The following CLASP1 variants were observed in gnomAD, a reference collection of about 807,000 sequenced individuals.
CLASP1 encodes CLIP-associating protein 1.
A neutral mutation model predicts 192.3 loss-of-function variants in CLASP1; 38 were observed. The ratio of observed to expected loss-of-function variants is 0.20; its 90% CI spans 0.15 to 0.26. The LOEUF (loss-of-function observed/expected upper bound fraction) is 0.26. CLASP1 is among the 10% of genes least tolerant of loss of function. The pLI, the probability that CLASP1 is intolerant of heterozygous loss-of-function variation, is 1.00. For synonymous variants in CLASP1, 691 were observed against 712.8 expected (o/e 0.97, Z 0.49); for missense variants, 1,433 against 1,932.5 (o/e 0.74, Z 4.85).
At chr2:121,457,488 C>CACAG (rs1224936110) in intron 14 of CLASP1, among the ~76,000 whole-genome samples, 199 bp downstream of exon 14, 8 of 151,416 alleles carry the variant, frequency 5.3e-5, no homozygotes, top group African/African-American at 1.9e-4. Flanking sequence ...CACACACACA[C>CACAG]AGAAACATAA....
intron 2 of CLASP1, among the ~76,000 whole-genome samples, chr2:121,564,109 G>A (rs2059317225): frequency 6.6e-6 from 1 of 152,174 alleles, no homozygotes; most frequent in Admixed American, 6.5e-5. Context: ...CACTTGCAAT[G>A]TGTGGGAATT....
intron 1 of CLASP1, among the ~76,000 whole-genome samples, chr2:121,633,990 T>C (rs1402639696): frequency 2.1e-5 from 3 of 143,468 alleles, no homozygotes; most frequent in African/African-American, 5.2e-5. Flanking sequence ...AGAGCGAGAC[T>C]CCGTCTCAAA....
exon 30 of CLASP1, chr2:121,397,244 T>C: frequency 6.2e-7 from 1 of 1,613,954 alleles, no homozygotes; most frequent in Non-Finnish European, 8.5e-7. Context: ...TCCATCTGTC[T>C]GGCCAGAGAC....
chr2:121,485,113 G>C (rs1313778596), intron 8 of CLASP1, among the ~76,000 whole-genome samples: 2 of 152,218 alleles, frequency 1.3e-5, no homozygotes, highest in Non-Finnish European at 2.9e-5. Flanking sequence ...ATCACACTAT[G>C]CTGTAGGCCT....
At chr2:121,477,971 T>C (rs2091847549) in intron 8 of CLASP1, among the ~76,000 whole-genome samples, 1 of 152,212 alleles carries the variant, frequency 6.6e-6, no homozygotes, top group African/African-American at 2.4e-5. Context: ...CTAAGTATGT[T>C]CTGCACATTG....
intron 7 of CLASP1, among the ~76,000 whole-genome samples, chr2:121,509,699 G>A (rs1339828708): frequency 6.6e-6 from 1 of 152,118 alleles, no homozygotes; most frequent in African/African-American, 2.4e-5. Flanking sequence ...TTAGCCGGGT[G>A]TGGTGGTATA....
At chr2:121,435,368 G>A (rs913288693) in intron 19 of CLASP1, among the ~76,000 whole-genome samples, 6 of 151,980 alleles carry the variant, frequency 3.9e-5, no homozygotes, top group Non-Finnish European at 8.8e-5. Context: ...TCTGTGTCCC[G>A]GGTTCAAGTG....
chr2:121,393,937 ACAT>A (rs1438164547), intron 30 of CLASP1, among the ~76,000 whole-genome samples: 8 of 152,048 alleles, frequency 5.3e-5, no homozygotes, highest in Non-Finnish European at 1.2e-4. Flanking sequence ...AAGTTGAACC[ACAT>A]CATAATTTGC....
At chr2:121,592,736 C>T (rs1342155106) in intron 2 of CLASP1, among the ~76,000 whole-genome samples, 1 of 152,120 alleles carries the variant, frequency 6.6e-6, no homozygotes, top group Non-Finnish European at 1.5e-5. Flanking sequence ...ACTGCAGGCT[C>T]TGCCCCCCAG....
At chr2:121,453,192 A>G (rs539757854) in intron 14 of CLASP1, among the ~76,000 whole-genome samples, 8 of 152,202 alleles carry the variant, frequency 5.3e-5, no homozygotes, top group Non-Finnish European at 7.3e-5. Flanking sequence ...CTATTTAGGA[A>G]GCTGAGGTGG....
intron 34 of CLASP1, among the ~76,000 whole-genome samples, chr2:121,374,087 C>T (rs1167294118): frequency 1.3e-5 from 2 of 152,244 alleles, no homozygotes; most frequent in East Asian, 1.9e-4. Flanking sequence ...GACCTGGAGG[C>T]CTAAGAGGGA....
At chr2:121,379,189 T>A (rs1468861997) in intron 33 of CLASP1, among the ~76,000 whole-genome samples, 5 of 149,466 alleles carry the variant, frequency 3.3e-5, no homozygotes, top group East Asian at 3.9e-4. Flanking sequence ...CCACCTTTCC[T>A]GATGAATGAA....
intron 2 of CLASP1, chr2:121,530,965 T>A (rs949525537): frequency 2.3e-5 from 16 of 700,314 alleles, no homozygotes; most frequent in South Asian, 1.5e-4. Flanking sequence ...CACACCCGCA[T>A]CAACTAGAGC....
At chr2:121,355,240 G>A (rs957755215) in intron 37 of CLASP1, among the ~76,000 whole-genome samples, 2 of 152,076 alleles carry the variant, frequency 1.3e-5, no homozygotes, top group African/African-American at 4.8e-5. Context: ...CGATTCTCCT[G>A]CCTCAGCCTC....
chr2:121,464,180 C>T (rs892983657), intron 9 of CLASP1, among the ~76,000 whole-genome samples: 3 of 151,702 alleles, frequency 2.0e-5, no homozygotes, highest in Admixed American at 6.6e-5. Context: ...TGAACTCATC[C>T]TTTTTTATGG....
chr2:121,504,600 T>C (rs1321344970), intron 7 of CLASP1, among the ~76,000 whole-genome samples: 1 of 152,224 alleles, frequency 6.6e-6, no homozygotes, highest in African/African-American at 2.4e-5. Flanking sequence ...ATTCATTTGT[T>C]CATTCACTCA....
rs527420786 is a variant in CLASP1 at position 121,490,244 on chromosome 2, AC to A, written c.712+12922del. The A allele has an allele frequency of 9.0e-5, 40 of 442,014 alleles. 1 individual carries two copies. In the East Asian group the frequency reaches 2.7e-3, roughly 30 times the overall value. The allele number at this position is 442,014 out of a possible 1,614,324, so 27.4% of individuals were successfully genotyped here. On this transcript the variant is annotated intron_variant, in intron 8 of 39. Transcript: ENST00000263710. ...TAGCCAAGCAGCAATAATTATAAAC[AC>A]TTTTCAGAATATATTAGAATAGCCT...
intron 8 of CLASP1, among the ~76,000 whole-genome samples, chr2:121,487,237 C>T (rs1358837245): frequency 6.6e-6 from 1 of 152,200 alleles, no homozygotes; most frequent in African/African-American, 2.4e-5. Flanking sequence ...CCACTGAGGC[C>T]AACCTAATTC....
At chr2:121,574,512 G>C (rs1430005685) in intron 2 of CLASP1, among the ~76,000 whole-genome samples, 2 of 147,000 alleles carry the variant, frequency 1.4e-5, no homozygotes, top group Non-Finnish European at 3.0e-5. Context: ...GCACACGCCT[G>C]TAATCCCAGC....
Sources: gnomAD v4.1 joint callset for allele counts (sites outside exome capture counted in the v4.1 genomes callset) on GRCh38, gnomAD v4.1.1 for gene constraint, MANE v1.5 for transcripts, NCBI Gene and HGNC (gene_info 2026-07-23, HGNC 2026-07-21) for gene names.